Variants in TTC14 observed in about 807,000 individuals in gnomAD.
The protein encoded by TTC14 is tetratricopeptide repeat domain 14.
A neutral mutation model predicts 79.9 loss-of-function variants in TTC14; 63 were observed. The observed-to-expected ratio is 0.79, with a 90% CI of 0.64 to 0.97. TTC14 has a LOEUF of 0.97. Among genes scored for constraint, TTC14 ranks in the 50% least tolerant of loss-of-function variants. TTC14 has a pLI of 0.00. For synonymous variants in TTC14, 335 were observed against 309.6 expected, an observed-to-expected ratio of 1.08 and a Z score of -0.86; for missense variants, 895 against 894.0, an observed-to-expected ratio of 1.00 and a Z score of -0.01.
intron 12 of TTC14, chr3:180,616,230 T>TA: frequency 1.3e-6 from 2 of 1,486,256 alleles, no homozygotes; most frequent in Non-Finnish European, 1.9e-6. Context: ...TGGAATCACT[T>TA]AGTGTACAGC....
chr3:180,610,465 T>G lies in TTC14; in HGVS notation c.2236T>G (p.Leu746Val). ...EHSESSVKKN[L>V]PQNLLNIFNQ... ...CTCAGAAAGCAGTGTTAAGAAAAATTTACCTCAGAATTTACTGAATATATT... is the reference window on the plus strand; with the variant it reads ...CTCAGAAAGCAGTGTTAAGAAAAATGTACCTCAGAATTTACTGAATATATT... The change falls in exon 12 of 12, where the codon TTA (leucine) becomes GTA (valine). Residue 746 changes from leucine (L) to valine (V), a missense_variant. Physicochemically the swap from Leu to Val is conservative, Grantham distance 32. Coordinates refer to ENST00000296015, the MANE Select transcript of TTC14 (RefSeq NM_133462.4). 3 of 1,607,820 alleles carry G rather than the reference T, an allele frequency of 1.9e-6. No homozygotes were observed. The highest frequency in any genetic ancestry group is 2.5e-6 in the Non-Finnish European group (3 of 1,178,510).
At position 180,610,843 on chromosome 3, in the gene TTC14, A is replaced by G. The variant is rs1390723716; in HGVS notation, c.*301A>G. ...TACTGTTTCTTCATTCTATTGCGGT[A>G]TATGAGAATTCCTGGGTGCATCTTA... On this transcript the variant is annotated 3_prime_UTR_variant, in exon 12 of 12. Transcript: ENST00000296015. The G allele has an allele frequency of 2.0e-6, 2 of 998,612 alleles. No individual in the cohort carries two copies. The highest frequency in any genetic ancestry group is 1.7e-5 in the African/African-American group (1 of 57,706). 61.9% of individuals were successfully genotyped at this position (998,612 alleles called of 1,614,324 possible).
chr3:180,609,556 A>G, intron 11 of TTC14, 74 bp from the exon 12 acceptor site: 2 of 1,401,236 alleles, frequency 1.4e-6, no homozygotes, highest in African/African-American at 2.9e-5. Flanking sequence ...AAAGGAAACA[A>G]ATAGGGCCCA....
intron 5 of TTC14, 99 bp downstream of exon 5, chr3:180,604,706 T>C (rs1249720251): frequency 6.9e-7 from 1 of 1,455,222 alleles, no homozygotes. Context: ...TCAGACTTGG[T>C]AAAAGGAAAC....
At chr3:180,602,644 A>G (rs1716432192) in intron 1 of TTC14, 3 of 710,608 alleles carry the variant, frequency 4.2e-6, no homozygotes, top group Non-Finnish European at 6.7e-6. Flanking sequence ...GTAGAGGCGC[A>G]GATTCCTTAG....
intron 9 of TTC14, 78 bp from the exon 10 acceptor site, chr3:180,607,570 A>G (rs779334221): frequency 2.5e-5 from 37 of 1,472,772 alleles, no homozygotes; most frequent in East Asian, 1.4e-4. Flanking sequence ...GCTCTCTCAT[A>G]TAAGCCTTTG....
At chr3:180,614,057 C>G (rs1717123428), downstream of TTC14, 1 of 303,360 alleles carries the variant, frequency 3.3e-6, no homozygotes, top group Non-Finnish European at 6.5e-6. Flanking sequence ...ATTCCACACT[C>G]TATTCCAAGA....
downstream of TTC14, among the ~76,000 whole-genome samples, chr3:180,615,345 G>GT (rs1478719142): frequency 3.0e-4 from 46 of 152,044 alleles, no homozygotes; most frequent in Admixed American, 3.0e-3. Context: ...ACTATAATCA[G>GT]TTTTTTAGAG....
chr3:180,615,004 A>G (rs1048909370), downstream of TTC14: 14 of 1,562,310 alleles, frequency 9.0e-6, no homozygotes, highest in African/African-American at 2.7e-5. Flanking sequence ...ACTAGTGAAG[A>G]GGAGGCCGGG....
Position 180,610,370 on chromosome 3 carries a change from G to A in TTC14, c.2141G>A (p.Arg714Lys). The A allele has an allele frequency of 6.2e-7, 1 of 1,613,602 alleles. No homozygotes were observed. Among genetic ancestry groups the A allele is most frequent in the East Asian group, 2.2e-5 (1 of 44,854 alleles). The change falls in exon 12 of 12, where the codon AGA becomes AAA. Residue 714 changes from arginine (R) to lysine (K), a missense_variant. Arg to Lys is a conservative substitution (Grantham distance 26). Transcript: ENST00000296015. ...RLNTNQGEYE[R>K]EDNYGEDIKT... is the part of the protein sequence containing the mutation. ...AATACAAATCAAGGAGAATATGAAA[G>A]AGAGGACAATTATGGGGAGGATATC...
At chr3:180,612,487 G>C (rs1242043194), downstream of TTC14, among the ~76,000 whole-genome samples, 2 of 152,182 alleles carry the variant, frequency 1.3e-5, no homozygotes, top group Non-Finnish European at 2.9e-5. Context: ...AGCAAGAGGG[G>C]CTGAGTACAG....
In TTC14 at chr3:180,602,392, G is replaced by A; in HGVS notation, c.131G>A (p.Gly44Asp). The change falls in exon 1 of 12, where the codon GGC becomes GAC. Residue 44 changes from glycine (G) to aspartate (D), a missense_variant. Gly to Asp is a moderately conservative substitution (Grantham distance 94, BLOSUM62 -1). Coordinates refer to ENST00000296015, the MANE Select transcript of TTC14 (RefSeq NM_133462.4). The stretch of plus-strand genomic sequence containing the variant: ...GGGTCGGCCGCCGAGCCAGCCCGGG[G>A]CCCGCCGCCCCAGCACCCGTTGCAG... ...LLGSAAEPAR[G>D]PPPQHPLQGR... is the part of the protein sequence containing the mutation. 1.2e-6 allele frequency: 2 copies of A among 1,608,982 alleles called. No homozygotes were observed. The highest frequency in any genetic ancestry group is 1.7e-6 in the Non-Finnish European group (2 of 1,179,358).
intron 4 of TTC14, 29 bp downstream of exon 4, chr3:180,604,338 A>T: frequency 6.3e-7 from 1 of 1,594,688 alleles, no homozygotes; most frequent in Non-Finnish European, 8.6e-7. Context: ...CTAATAAAAA[A>T]GTAATGATTG....
In TTC14 at chr3:180,610,215, A is replaced by T. The variant is rs566839022; in HGVS notation, c.1986A>T (p.Glu662Asp). The T allele has an allele frequency of 2.3e-5, 37 of 1,614,046 alleles. No homozygotes were observed. The African/African-American group carries it at 4.3e-4, about 19-fold the overall frequency. ...GAAAAGAGCACTATAGAAGGTGGGA[A>T]CCAGGTTCTGTGAGGCATTCTACCT... is the stretch of plus-strand genomic sequence containing the variant. Reference protein sequence around the residue: ...EGRKEHYRRWEPGSVRHSTSP... With the variant: ...EGRKEHYRRWDPGSVRHSTSP... The change falls in exon 12 of 12, where the codon GAA (glutamate) becomes GAT (aspartate). Residue 662 changes from glutamate (E) to aspartate (D), a missense_variant. Transcript: ENST00000296015.
chr3:180,606,995 G>A (rs79294175), intron 9 of TTC14, among the ~76,000 whole-genome samples: 2,439 of 152,268 alleles, frequency 0.016, 69 homozygotes, highest in African/African-American at 0.056. Flanking sequence ...TGAGCTGAGT[G>A]AATAGCAATA....
rs572138571 is a variant in TTC14 at position 180,605,084 on chromosome 3, G to A, written c.857+77G>A. On this transcript the variant is annotated intron_variant, in intron 6 of 11. Coordinates refer to ENST00000296015, the MANE Select transcript of TTC14 (RefSeq NM_133462.4). Reference sequence around the variant, plus strand: ...CAGAAGCTGCGTTTAGCTGAAGGACGTATTTTACCATCCTAAGCCACCTAG... The same window carrying A: ...CAGAAGCTGCGTTTAGCTGAAGGACATATTTTACCATCCTAAGCCACCTAG... The A allele has an allele frequency of 4.5e-5, 65 of 1,455,290 alleles. No homozygotes were observed. In the African/African-American group the frequency reaches 6.4e-4, roughly 14 times the overall value. 90.1% of individuals were successfully genotyped at this position (1,455,290 alleles called of 1,614,324 possible). A position where few individuals can be genotyped will look rare whatever the true frequency, so the allele number is the denominator to read the frequency against.
At chr3:180,604,664 G>A (rs1244944701) in intron 5 of TTC14, 57 bp downstream of exon 5, 3 of 1,532,688 alleles carry the variant, frequency 2.0e-6, no homozygotes, top group Admixed American at 4.1e-5. Flanking sequence ...TTGGATTGAG[G>A]AATACCACAT....
At chr3:180,613,910 A>G (rs747906514), downstream of TTC14, 10 of 443,120 alleles carry the variant, frequency 2.3e-5, no homozygotes, top group Non-Finnish European at 4.0e-5. Flanking sequence ...CACTACCACT[A>G]CTGCTTTTCA....
At chr3:180,609,242 T>TGC in intron 11 of TTC14, 66 of 606,888 alleles carry the variant, frequency 1.1e-4, no homozygotes, top group Non-Finnish European at 1.3e-4. Context: ...ACAGGTCAGC[T>TGC]CCCACCCGCA....
Sources: gnomAD v4.1 joint callset for allele counts (sites outside exome capture counted in the v4.1 genomes callset) on GRCh38, gnomAD v4.1.1 for gene constraint, MANE v1.5 for transcripts, NCBI Gene and HGNC (gene_info 2026-07-23, HGNC 2026-07-21) for gene names.